Variants in CXXC5 observed in about 807,000 individuals in gnomAD.
CXXC5 encodes CXXC finger protein 5.
CXXC5 carries 2 observed loss-of-function variants against 17.6 expected under a neutral mutation model. The observed-to-expected ratio is 0.11, with a 90% CI of 0.05 to 0.36. The LOEUF (loss-of-function observed/expected upper bound fraction) is 0.36, where lower values mean the gene tolerates loss of function less well. CXXC5 is among the 10% of genes least tolerant of loss of function. The probability of loss-of-function intolerance (pLI) is 1.00; values close to 1 mark genes in which losing one functional copy is unlikely to be tolerated. For synonymous variants in CXXC5, 171 were observed against 193.0 expected (o/e 0.89, Z 0.94); for missense variants, 343 against 458.3 (o/e 0.75, Z 2.30).
At chr5:139,671,559 T>TGCCCA (rs1756471615) in intron 1 of CXXC5, among the ~76,000 whole-genome samples, 1 of 152,212 alleles carries the variant, frequency 6.6e-6, no homozygotes, top group Non-Finnish European at 1.5e-5. Flanking sequence ...CCGGCTGGGC[T>TGCCCA]GCCCACAGGA....
rs150829809 is a variant in CXXC5, at chr5:139,676,852, C to T, written c.-160-3512C>T. On this transcript the variant is annotated intron_variant, in intron 1 of 2. Coordinates refer to ENST00000302517, the MANE Select transcript of CXXC5 (RefSeq NM_016463.9). ...CTCCACTAACCTTGACCCTCTGCCC[C>T]TTCCTCTCCAGCTCCCCTTTTCTCT... Among the ~76,000 whole-genome samples, 1,348 of 151,930 alleles carry T rather than the reference C, an allele frequency of 8.9e-3. 13 individuals carry two copies. Among genetic ancestry groups the T allele is most frequent in the Non-Finnish European group, 0.014 (957 of 67,948 alleles).
chr5:139,647,815 C>T (rs907632888), upstream of CXXC5: 2 of 152,294 alleles, frequency 1.3e-5, no homozygotes, highest in South Asian at 2.1e-4. Flanking sequence ...CTAGTGCCCA[C>T]TGAATCCATT....
At position 139,652,163 on chromosome 5, in the gene CXXC5, CGCGCGCGCGT is replaced by C. The variant is rs1202826394; in HGVS notation, c.-161+3320_-161+3329del. ...CTAGCCGCCGGCGCGCGCGCGCGCG[CGCGCGCGCGT>C]GTGTGTGTGTGTGTGTGTGTGTGGC... On this transcript the variant is annotated intron_variant, in intron 1 of 2. Coordinates refer to ENST00000302517, the MANE Select transcript of CXXC5 (RefSeq NM_016463.9). Among the ~76,000 whole-genome samples the C allele has an allele frequency of 4.9e-3, 683 of 139,886 alleles. 6 individuals carry two copies. The highest frequency in any genetic ancestry group is 0.018 in the African/African-American group (654 of 37,028). The allele number at this position is 139,886 out of a possible 152,430, so 91.8% of individuals were successfully genotyped here.
chr5:139,676,477 A>C (rs945859438), intron 1 of CXXC5, among the ~76,000 whole-genome samples: 6 of 1,582 alleles, frequency 3.8e-3, no homozygotes, highest in South Asian at 0.028. Context: ...ACCTCCCCCC[A>C]AGCCCTCCTC....
At chr5:139,649,799 CA>C (rs1755067755) in intron 1 of CXXC5, 1 of 152,358 alleles carries the variant, frequency 6.6e-6, no homozygotes, top group Non-Finnish European at 1.5e-5. Flanking sequence ...GCACTGGCCC[CA>C]AATTTACCCA....
In CXXC5 at chr5:139,681,120, C is replaced by T. The variant is rs777041360; in HGVS notation, c.597C>T (p.Ala199=). ...CTGACATGGAGGCTGTGGCAGGTGC[C>T]GAAGCCCTCAATGGCCAGTCCGACT... The part of the protein sequence containing the change: ...GLPDMEAVAG[A]EALNGQSDFP... Residue 199 remains alanine (A), a synonymous_variant, in exon 2 of 3, where the codon GCC becomes GCT. Coordinates refer to ENST00000302517, the MANE Select transcript of CXXC5 (RefSeq NM_016463.9). 4.0e-5 allele frequency: 64 copies of T among 1,612,570 alleles called. No homozygotes were observed. Among genetic ancestry groups the T allele is most frequent in the Middle Eastern group, 1.6e-4 (1 of 6,062 alleles).
intron 1 of CXXC5, among the ~76,000 whole-genome samples, chr5:139,673,131 A>T (rs1377209767): frequency 6.6e-6 from 1 of 152,192 alleles, no homozygotes; most frequent in Non-Finnish European, 1.5e-5. Flanking sequence ...ACAAGGCGTC[A>T]TTACACCTGC....
chr5:139,650,509 C>A (rs1159768091), intron 1 of CXXC5, among the ~76,000 whole-genome samples: 2 of 152,222 alleles, frequency 1.3e-5, no homozygotes. Context: ...CAAACAGAGT[C>A]CCTTTCAAGT....
In CXXC5 at chr5:139,683,648, C is replaced by A. The variant is rs558613016; in HGVS notation, c.*741C>A. 6.6e-6 allele frequency: 1 copy of A among 152,664 alleles called. No homozygotes were observed. Among genetic ancestry groups the A allele is most frequent in the South Asian group, 2.1e-4 (1 of 4,834 alleles). 9.5% of individuals were successfully genotyped at this position (152,664 alleles called of 1,614,324 possible). A position where few individuals can be genotyped will look rare whatever the true frequency, so the allele number is the denominator to read the frequency against. On this transcript the variant is annotated 3_prime_UTR_variant, in exon 3 of 3. Coordinates refer to ENST00000302517, the MANE Select transcript of CXXC5 (RefSeq NM_016463.9). The stretch of plus-strand genomic sequence containing the variant: ...GGAGCCCCATCTCGATATTTCCAAT[C>A]CTGGCTACTTTTCTTAGAGAAAATA...
chr5:139,665,143 C>T lies in CXXC5; in HGVS notation c.-160-15221C>T, dbSNP rs556337537. On this transcript the variant is annotated intron_variant, in intron 1 of 2. Coordinates refer to ENST00000302517, the MANE Select transcript of CXXC5 (RefSeq NM_016463.9). ...TCAAGGCCGCCAACTGCCTGCTGGGCGGGCAGGGGGGAGTGCCAGCCAGCT... is the reference window on the plus strand; with the variant it reads ...TCAAGGCCGCCAACTGCCTGCTGGGTGGGCAGGGGGGAGTGCCAGCCAGCT... Among the ~76,000 whole-genome samples, 418 of 152,358 alleles carry T rather than the reference C, an allele frequency of 2.7e-3. 3 individuals carry two copies. Among genetic ancestry groups the T allele is most frequent in the Middle Eastern group, 6.8e-3 (2 of 294 alleles).
intron 1 of CXXC5, among the ~76,000 whole-genome samples, chr5:139,678,766 G>T (rs959989458): frequency 1.7e-4 from 26 of 152,322 alleles, no homozygotes; most frequent in Non-Finnish European, 2.6e-4. Flanking sequence ...GATCCAGTGT[G>T]TGCTGCCCTC....
Position 139,668,946 on chromosome 5 carries a change from T to C in CXXC5, c.-160-11418T>C, listed in dbSNP as rs1181742983. ...GAATTTGGGATTTAGGGAGCTGGGC[T>C]TTGTATACCCCTCCCAGTCTCCTCT... On this transcript the variant is annotated intron_variant, in intron 1 of 2. Transcript: ENST00000302517. The surrounding 1 kb of genome is among the most constrained non-coding windows in gnomAD (Gnocchi z 4.1). Among the ~76,000 whole-genome samples, 1 of 152,074 alleles carries C rather than the reference T, an allele frequency of 6.6e-6. No homozygotes were observed. The highest frequency in any genetic ancestry group is 6.5e-5 in the Admixed American group (1 of 15,272).
At chr5:139,657,501 G>A (rs1372234806) in intron 1 of CXXC5, among the ~76,000 whole-genome samples, 1 of 152,224 alleles carries the variant, frequency 6.6e-6, no homozygotes, top group Non-Finnish European at 1.5e-5. Flanking sequence ...CTGGTGGTGA[G>A]GATAAGTACT....
intron 2 of CXXC5, among the ~76,000 whole-genome samples, chr5:139,681,795 G>A (rs1757253274): frequency 6.6e-6 from 1 of 152,192 alleles, no homozygotes; most frequent in Non-Finnish European, 1.5e-5. Context: ...CTCAGACATG[G>A]CCTAAAGCAT....
chr5:139,674,144 C>G (rs1756645076), intron 1 of CXXC5, among the ~76,000 whole-genome samples: 1 of 152,168 alleles, frequency 6.6e-6, no homozygotes, highest in Non-Finnish European at 1.5e-5. Context: ...GCCCTGTGCT[C>G]TCCGCCTGGG....
At position 139,670,767 on chromosome 5, in the gene CXXC5, A is replaced by T. The variant is rs1756419892; in HGVS notation, c.-160-9597A>T. Reference sequence around the variant, plus strand: ...ACCCTCAGGGAGGTCACAGAGTCAAAGATCTCCCCCAGCACTGCTACATGA... The same window carrying T: ...ACCCTCAGGGAGGTCACAGAGTCAATGATCTCCCCCAGCACTGCTACATGA... On this transcript the variant is annotated intron_variant, in intron 1 of 2. Transcript: ENST00000302517. This position sits in a 1 kb window ranked among gnomAD's most constrained non-coding sequence, Gnocchi z 4.2. 6.6e-6 allele frequency among the ~76,000 whole-genome samples: 1 copy of T among 152,198 alleles called. No individual in the cohort carries two copies. Among genetic ancestry groups the T allele is most frequent in the Non-Finnish European group, 1.5e-5 (1 of 68,032 alleles).
chr5:139,680,388 C>A lies in CXXC5; in HGVS notation c.-136C>A. 7.7e-7 allele frequency: 1 copy of A among 1,292,264 alleles called. No individual in the cohort carries two copies. Among genetic ancestry groups the A allele is most frequent in the Non-Finnish European group, 1.0e-6 (1 of 967,612 alleles). 80.0% of individuals were successfully genotyped at this position (1,292,264 alleles called of 1,614,324 possible). A position where few individuals can be genotyped will look rare whatever the true frequency, so the allele number is the denominator to read the frequency against. On this transcript the variant is annotated 5_prime_UTR_variant, in exon 2 of 3. Coordinates refer to ENST00000302517, the MANE Select transcript of CXXC5 (RefSeq NM_016463.9). ...GAGTGAAGACATTTCCACCTGGACA[C>A]CTGACCATGTGCCTGCCCTGAGCAG...
chr5:139,650,199 C>G (rs1338168064), intron 1 of CXXC5, among the ~76,000 whole-genome samples: 1 of 152,192 alleles, frequency 6.6e-6, no homozygotes, highest in Non-Finnish European at 1.5e-5. Context: ...GAAAGACCCG[C>G]TCCCTGAAGT....
chr5:139,667,492 T>G (rs999852701), intron 1 of CXXC5, among the ~76,000 whole-genome samples: 3 of 152,208 alleles, frequency 2.0e-5, no homozygotes, highest in African/African-American at 7.2e-5. Flanking sequence ...ATGGGTCAGT[T>G]AAGGCCCTGC....
Sources: allele counts gnomAD v4.1 joint callset (sites outside exome capture counted in the v4.1 genomes callset), GRCh38; gene constraint gnomAD v4.1.1; non-coding constraint Gnocchi (gnomAD v3.1); transcripts MANE v1.5; gene names NCBI Gene and HGNC (gene_info 2026-07-23, HGNC 2026-07-21).